Variants in HDAC9 observed in about 807,000 individuals in gnomAD.
HDAC9 encodes histone deacetylase 9.
In HDAC9, 41 loss-of-function variants were observed where a neutral mutation model predicts 139.4. The ratio of observed to expected loss-of-function variants is 0.29; its 90% CI spans 0.23 to 0.38. The LOEUF is 0.38. Among genes scored for constraint, HDAC9 ranks in the 10% least tolerant of loss-of-function variants. The pLI, the probability that HDAC9 is intolerant of heterozygous loss-of-function variation, is 1.00. For synonymous variants in HDAC9, 517 were observed against 476.2 expected (o/e 1.09, Z -1.12); for missense variants, 1,147 against 1,297.0 (o/e 0.88, Z 1.78).
At chr7:18,165,810 A>AG (rs1462966219) in intron 2 of HDAC9, among the ~76,000 whole-genome samples, 3 of 151,796 alleles carry the variant, frequency 2.0e-5, no homozygotes, top group Non-Finnish European at 4.4e-5. Context: ...AAAAAAAAAA[A>AG]AAAGAAAGAA....
At chr7:18,977,259 G>T (rs145980233) in intron 25 of HDAC9, among the ~76,000 whole-genome samples, 1 of 152,124 alleles carries the variant, frequency 6.6e-6, no homozygotes, top group African/African-American at 2.4e-5. Context: ...ATAATCCAAA[G>T]GTGTTGCAAT....
intron 1 of HDAC9, among the ~76,000 whole-genome samples, chr7:18,118,010 C>G (rs1158451000): frequency 6.6e-6 from 1 of 152,188 alleles, no homozygotes; most frequent in Non-Finnish European, 1.5e-5. Context: ...ACAGATCTCT[C>G]TGAGTCTCAT....
chr7:18,870,936 T>A (rs1160198220), intron 21 of HDAC9, among the ~76,000 whole-genome samples: 11 of 152,214 alleles, frequency 7.2e-5, no homozygotes. Flanking sequence ...GTGCTGGGAT[T>A]GTAGCCATGA....
rs1226980497 is a variant in HDAC9 at position 18,870,027 on chromosome 7, A to G, written c.2685-4451A>G. 2.6e-5 allele frequency among the ~76,000 whole-genome samples: 4 copies of G among 151,818 alleles called. No individual in the cohort carries two copies. The South Asian group carries it at 6.2e-4, about 24-fold the overall frequency. ...ATATTCTGATACTTGTTAGCATTTT[A>G]TTTTGAAATAATATTGAAATTACAG... is the stretch of plus-strand genomic sequence containing the variant. On this transcript the variant is annotated intron_variant, in intron 21 of 25. Coordinates refer to ENST00000686413, the MANE Select transcript of HDAC9 (RefSeq NM_178425.4).
intron 6 of HDAC9, among the ~76,000 whole-genome samples, chr7:18,604,088 C>T (rs577392163): frequency 1.2e-4 from 19 of 152,062 alleles, no homozygotes; most frequent in African/African-American, 4.1e-4. Flanking sequence ...TGATATGTCT[C>T]GATACTGAGT....
At chr7:18,376,513 G>T (rs1031530413) in intron 1 of HDAC9, among the ~76,000 whole-genome samples, 3 of 152,168 alleles carry the variant, frequency 2.0e-5, no homozygotes, top group African/African-American at 7.2e-5. Context: ...CCATTTTAAT[G>T]TTAAATTACT....
intron 2 of HDAC9, among the ~76,000 whole-genome samples, chr7:18,219,036 AT>A (rs145792430): frequency 3.8e-4 from 58 of 152,288 alleles, no homozygotes; most frequent in African/African-American, 1.4e-3. Context: ...TAACAAAATG[AT>A]GCCTAACTTC....
At chr7:18,236,151 A>G (rs750480641) in intron 2 of HDAC9, among the ~76,000 whole-genome samples, 2 of 152,190 alleles carry the variant, frequency 1.3e-5, no homozygotes, top group African/African-American at 2.4e-5. Flanking sequence ...GAAGAGTCTT[A>G]TCCTTGTTCC....
At chr7:18,962,343 AG>A in intron 24 of HDAC9, among the ~76,000 whole-genome samples, 1 of 152,210 alleles carries the variant, frequency 6.6e-6, no homozygotes, top group Non-Finnish European at 1.5e-5. Context: ...TATCACAGCC[AG>A]GTCAGACTTG....
At chr7:18,481,389 T>C (rs1432651761) in intron 1 of HDAC9, among the ~76,000 whole-genome samples, 1 of 152,214 alleles carries the variant, frequency 6.6e-6, no homozygotes, top group Non-Finnish European at 1.5e-5. Context: ...ACAGGTCTAA[T>C]GTTTCCTTCG....
At chr7:18,935,623 G>A (rs1781578764) in intron 22 of HDAC9, among the ~76,000 whole-genome samples, 186 bp from the exon 23 acceptor site, 1 of 152,114 alleles carries the variant, frequency 6.6e-6, no homozygotes. Context: ...TGGGCTTTGG[G>A]TCCCTTATCT....
intron 22 of HDAC9, among the ~76,000 whole-genome samples, chr7:18,933,340 A>T (rs1217397442): frequency 1.3e-5 from 2 of 151,784 alleles, no homozygotes; most frequent in Admixed American, 6.6e-5. Flanking sequence ...ATTTACGAGG[A>T]CTCTACCTAA....
rs527384688 is a variant in HDAC9 at position 18,411,417 on chromosome 7, C to G, written c.-41-84845C>G. Among the ~76,000 whole-genome samples the G allele has an allele frequency of 2.6e-5, 4 of 152,262 alleles. No individual in the cohort carries two copies. The South Asian group carries it at 6.2e-4, about 24-fold the overall frequency. On this transcript the variant is annotated intron_variant, in intron 1 of 3. Transcript: ENST00000413509. Reference sequence around the variant, plus strand: ...TGAGATGGAGTCTTGCTCTGTCACTCAGGCTGGAGTGCAGTGGCGTGATTT... The same window carrying G: ...TGAGATGGAGTCTTGCTCTGTCACTGAGGCTGGAGTGCAGTGGCGTGATTT...
At chr7:18,947,850 C>T (rs1279839399) in intron 23 of HDAC9, among the ~76,000 whole-genome samples, 2 of 151,874 alleles carry the variant, frequency 1.3e-5, no homozygotes, top group African/African-American at 4.8e-5. Context: ...GTAGTTAAAA[C>T]CCTAAATAAA....
intron 13 of HDAC9, among the ~76,000 whole-genome samples, chr7:18,728,710 G>C (rs1584925986): frequency 6.6e-6 from 1 of 152,066 alleles, no homozygotes; most frequent in African/African-American, 2.4e-5. Context: ...TGTGGCTTCT[G>C]TGACCTCATG....
At chr7:18,967,179 T>A (rs1192723595) in intron 24 of HDAC9, among the ~76,000 whole-genome samples, 1 of 152,138 alleles carries the variant, frequency 6.6e-6, no homozygotes, top group Non-Finnish European at 1.5e-5. Flanking sequence ...AAATAAAAAC[T>A]AAAACCAAAA....
chr7:18,414,371 C>T (rs1227351870), intron 1 of HDAC9, among the ~76,000 whole-genome samples: 1 of 150,996 alleles, frequency 6.6e-6, no homozygotes, highest in African/African-American at 2.4e-5. Context: ...GGAGACATGT[C>T]TGCTCCTTAC....
chr7:18,156,006 T>G (rs1429238470), intron 1 of HDAC9, among the ~76,000 whole-genome samples: 1 of 152,168 alleles, frequency 6.6e-6, no homozygotes, highest in African/African-American at 2.4e-5. Context: ...CTCATCATTC[T>G]ATTCCTCAGG....
chr7:18,692,944 T>A lies in HDAC9; in HGVS notation c.1731+26468T>A, dbSNP rs184248319. Among the ~76,000 whole-genome samples the A allele has an allele frequency of 2.8e-4, 42 of 152,206 alleles. 1 individual carries two copies. The highest frequency in any genetic ancestry group is 2.6e-3 in the Admixed American group (39 of 15,268). ...TTCAGTAGCCGATGATAAATACATT[T>A]TTTGTGTTGTTATGTATACTATACT... On this transcript the variant is annotated intron_variant, in intron 12 of 25. Coordinates refer to ENST00000686413, the MANE Select transcript of HDAC9 (RefSeq NM_178425.4).
Sources: allele counts gnomAD v4.1 joint callset (sites outside exome capture counted in the v4.1 genomes callset), GRCh38; gene constraint gnomAD v4.1.1; transcripts MANE v1.5; gene names NCBI Gene and HGNC (gene_info 2026-07-23, HGNC 2026-07-21).